The following ADAM9 variants were observed in gnomAD, a reference collection of about 807,000 sequenced individuals.
ADAM9 encodes the protein ADAM metallopeptidase domain 9, also known as disintegrin and metalloproteinase domain-containing protein 9.
ADAM9 carries 54 observed loss-of-function variants against 108.1 expected under a neutral mutation model. The ratio of observed to expected loss-of-function variants is 0.50; its 90% confidence interval spans 0.40 to 0.63. The LOEUF (loss-of-function observed/expected upper bound fraction) is 0.63, where lower values mean the gene tolerates loss of function less well. Ranked by LOEUF, ADAM9 falls within the 20% of genes least tolerant of loss-of-function variation. The pLI, the probability that ADAM9 is intolerant of heterozygous loss-of-function variation, is 0.00. For missense variants in ADAM9, 830 were observed against 997.7 expected (o/e 0.83, Z 2.26); for synonymous variants, 316 against 336.0 (o/e 0.94, Z 0.65).
At chr8:39,071,191 T>C in intron 14 of ADAM9, 107 bp from the exon 15 acceptor site, 1 of 977,348 alleles carries the variant, frequency 1.0e-6, no homozygotes, top group Non-Finnish European at 1.6e-6. Flanking sequence ...TTGAGGGGTA[T>C]TGAGGCTGTT....
chr8:39,027,161 A>G (rs1034768563), intron 11 of ADAM9, among the ~76,000 whole-genome samples: 11 of 152,200 alleles, frequency 7.2e-5, no homozygotes, highest in African/African-American at 2.7e-4. Flanking sequence ...AAAGTTTATT[A>G]TCTGAATTAG....
Position 39,082,695 on chromosome 8 carries a change from G to A in ADAM9, c.1936G>A (p.Val646Ile), listed in dbSNP as rs747905392. 6.2e-7 allele frequency: 1 copy of A among 1,611,878 alleles called. No individual in the cohort carries two copies. Among genetic ancestry groups the A allele is most frequent in the Admixed American group, 1.7e-5 (1 of 59,852 alleles). ...DASVLNYDCD[V>I]QKKCHGHGVC... ...TTCTGTTCTGAATTATGACTGTGAT[G>A]TTCAGAAAAAGTGTCATGGACATGG... Residue 646 changes from valine to isoleucine, a missense_variant, in exon 17 of 22, where the codon GTT (valine) becomes ATT (isoleucine). Val to Ile is a conservative substitution (Grantham distance 29, BLOSUM62 3). Coordinates refer to ENST00000487273, the MANE Select transcript of ADAM9 (RefSeq NM_003816.3).
intron 11 of ADAM9, among the ~76,000 whole-genome samples, chr8:39,040,328 G>T (rs775761290): frequency 1.8e-4 from 27 of 152,190 alleles, no homozygotes; most frequent in African/African-American, 6.0e-4. Flanking sequence ...GGATTACAGC[G>T]GTGAGCCACC....
chr8:39,036,512 A>G (rs1837280355), intron 11 of ADAM9, among the ~76,000 whole-genome samples: 1 of 151,940 alleles, frequency 6.6e-6, no homozygotes, highest in Non-Finnish European at 1.5e-5. Flanking sequence ...CATTTTCATT[A>G]TTGTCGATCT....
Position 39,088,417 on chromosome 8 carries a change from G to A in ADAM9, c.2069-1630G>A, listed in dbSNP as rs1839244006. ...CTACAGGCGCCTGCCACCACGCCCA[G>A]CTAATTTTTTTTTGTATTTTTAGTA... On this transcript the variant is annotated intron_variant, in intron 18 of 21. Transcript: ENST00000487273. Among the ~76,000 whole-genome samples the A allele has an allele frequency of 2.6e-5, 4 of 152,116 alleles. No individual in the cohort carries two copies. In the South Asian group the frequency reaches 8.3e-4, roughly 32 times the overall value.
intron 12 of ADAM9, among the ~76,000 whole-genome samples, chr8:39,053,804 G>C (rs1838029593): frequency 6.6e-6 from 1 of 152,122 alleles, no homozygotes; most frequent in Non-Finnish European, 1.5e-5. Context: ...AGAGAAGTTA[G>C]ACCCTGAGCA....
intron 1 of ADAM9, among the ~76,000 whole-genome samples, chr8:39,003,564 C>T (rs1836071491): frequency 6.7e-6 from 1 of 150,076 alleles, no homozygotes; most frequent in African/African-American, 2.5e-5. Flanking sequence ...AAAAACCTGA[C>T]CTAGAGATAA....
At chr8:39,010,261 A>T (rs924157267) in intron 2 of ADAM9, among the ~76,000 whole-genome samples, 1 of 152,208 alleles carries the variant, frequency 6.6e-6, no homozygotes, top group African/African-American at 2.4e-5. Context: ...TTATTACATC[A>T]CGTGATTATC....
chr8:39,059,086 G>T (rs1838215417), intron 14 of ADAM9, among the ~76,000 whole-genome samples: 1 of 152,166 alleles, frequency 6.6e-6, no homozygotes, highest in Non-Finnish European at 1.5e-5. Flanking sequence ...AATTCCATGT[G>T]CATGGGCCCA....
At chr8:39,035,055 C>T (rs114690195) in intron 11 of ADAM9, among the ~76,000 whole-genome samples, 45 of 152,254 alleles carry the variant, frequency 3.0e-4, no homozygotes, top group African/African-American at 7.0e-4. Flanking sequence ...GTCTCTCTTA[C>T]GCCTCTGTGA....
At chr8:39,096,147 G>T (rs1839498043) in intron 20 of ADAM9, among the ~76,000 whole-genome samples, 2 of 149,456 alleles carry the variant, frequency 1.3e-5, no homozygotes, top group East Asian at 2.0e-4. Context: ...TTTGAAACAA[G>T]CATATAGTGT....
chr8:39,016,793 C>T (rs1164532015), intron 5 of ADAM9, among the ~76,000 whole-genome samples: 4 of 152,106 alleles, frequency 2.6e-5, no homozygotes, highest in East Asian at 1.9e-4. Context: ...CAATATGTTC[C>T]GTGTGTTTTC....
chr8:39,068,803 C>T (rs1321854059), intron 14 of ADAM9, among the ~76,000 whole-genome samples: 1 of 146,668 alleles, frequency 6.8e-6, no homozygotes, highest in Non-Finnish European at 1.5e-5. Context: ...ATGCTCAGTT[C>T]ATCCCCTTGT....
intron 20 of ADAM9, among the ~76,000 whole-genome samples, chr8:39,093,308 G>A (rs887784864): frequency 6.6e-6 from 1 of 151,702 alleles, no homozygotes; most frequent in Admixed American, 6.6e-5. Flanking sequence ...TATTTTTTGT[G>A]GTTAAATTTA....
At chr8:39,071,476 T>C in intron 15 of ADAM9, 73 bp downstream of exon 15, 3 of 1,390,838 alleles carry the variant, frequency 2.2e-6, no homozygotes, top group Non-Finnish European at 3.0e-6. Flanking sequence ...TTTTTTTTTT[T>C]TTTTTTTTTG....
intron 9 of ADAM9, among the ~76,000 whole-genome samples, chr8:39,024,295 G>A (rs1423836585): frequency 6.6e-6 from 1 of 152,108 alleles, no homozygotes; most frequent in Admixed American, 6.6e-5. Context: ...CCTCGTACCA[G>A]TGAGAATGCC....
chr8:39,024,009 G>A (rs1300220810), intron 9 of ADAM9, among the ~76,000 whole-genome samples: 1 of 152,134 alleles, frequency 6.6e-6, no homozygotes, highest in African/African-American at 2.4e-5. Context: ...GCCTCCCACA[G>A]TGCTGGGATT....
intron 11 of ADAM9, among the ~76,000 whole-genome samples, chr8:39,037,166 C>T (rs1199569088): frequency 6.9e-6 from 1 of 145,976 alleles, no homozygotes; most frequent in Non-Finnish European, 1.5e-5. Flanking sequence ...ACGCCATTCT[C>T]CTGCCTCAGC....
chr8:39,067,179 G>A (rs1224612469), intron 14 of ADAM9, among the ~76,000 whole-genome samples: 1 of 152,184 alleles, frequency 6.6e-6, no homozygotes, highest in African/African-American at 2.4e-5. Context: ...TTGAAGTCAG[G>A]TAGTGTGATG....
Sources: allele counts gnomAD v4.1 joint callset (sites outside exome capture counted in the v4.1 genomes callset), GRCh38; gene constraint gnomAD v4.1.1; transcripts MANE v1.5; gene names NCBI Gene and HGNC (gene_info 2026-07-23, HGNC 2026-07-21).